The following PLAGL1 variants were observed in gnomAD, a reference collection of about 807,000 sequenced individuals.
The protein encoded by PLAGL1 is zinc finger protein PLAGL1.
Under a neutral mutation model 4.6 loss-of-function variants are expected in PLAGL1, and 1 was observed. The ratio of observed to expected loss-of-function variants is 0.22; its 90% confidence interval spans 0.08 to 1.03. PLAGL1 has a LOEUF of 1.03. Ranked by LOEUF, PLAGL1 falls within the 50% of genes least tolerant of loss-of-function variation. The pLI is 0.58. For missense variants in PLAGL1, 464 were observed against 570.4 expected (o/e 0.81, Z 1.90); for synonymous variants, 240 against 237.8 (o/e 1.01, Z -0.08).
In PLAGL1 at chr6:143,994,039, G is replaced by GA. The variant is rs530541145; in HGVS notation, c.-583-8866dup. 0.063 allele frequency among the ~76,000 whole-genome samples: 8,154 copies of GA among 129,584 alleles called. 285 individuals are homozygous for GA. The highest frequency in any genetic ancestry group is 0.1 in the Non-Finnish European group (6,011 of 60,394). 85.0% of individuals were successfully genotyped at this position (129,584 alleles called of 152,430 possible). ...AATGTTCACTTCATATATGGCTAAGGAAAAAAAAAAAAAGAAAAGAACTCC... is the reference window on the plus strand; with the variant it reads ...AATGTTCACTTCATATATGGCTAAGGAAAAAAAAAAAAAAGAAAAGAACTCC... On this transcript the variant is annotated intron_variant, in intron 1 of 7. Coordinates refer to ENST00000674357, the MANE Select transcript of PLAGL1 (RefSeq NM_001317162.2). This position sits in a 1 kb window ranked among gnomAD's most constrained non-coding sequence, Gnocchi z 4.3.
intron 1 of PLAGL1, among the ~76,000 whole-genome samples, chr6:143,992,491 T>C (rs1352822964): frequency 6.6e-6 from 1 of 152,214 alleles, no homozygotes; most frequent in Admixed American, 6.5e-5. Flanking sequence ...GTACCAGAAG[T>C]AGGATGTTTT....
Position 143,970,440 on chromosome 6 carries a change from A to T in PLAGL1, c.-543-1462T>A, listed in dbSNP as rs1445993466. On this transcript the variant is annotated intron_variant, in intron 2 of 7. Coordinates refer to ENST00000674357, the MANE Select transcript of PLAGL1 (RefSeq NM_001317162.2). The surrounding 1 kb of genome is among the most constrained non-coding windows in gnomAD (Gnocchi z 5.8). ...TATCTAATTATTACAGATGATCTTT[A>T]TAATAGTCATATCTGATCTTATACA... Among the ~76,000 whole-genome samples the T allele has an allele frequency of 6.6e-6, 1 of 152,244 alleles. No individual in the cohort carries two copies. The highest frequency in any genetic ancestry group is 1.5e-5 in the Non-Finnish European group (1 of 68,036).
rs958109790 is a variant in PLAGL1 at position 144,004,365 on chromosome 6, A to G, written c.-584+3725T>C. Among the ~76,000 whole-genome samples, 16 of 152,334 alleles carry G rather than the reference A, an allele frequency of 1.1e-4. No individual in the cohort carries two copies. Among genetic ancestry groups the G allele is most frequent in the Non-Finnish European group, 1.8e-4 (12 of 68,034 alleles). On this transcript the variant is annotated intron_variant, in intron 1 of 7. Transcript: ENST00000674357. This position sits in a 1 kb window ranked among gnomAD's most constrained non-coding sequence, Gnocchi z 4.2. ...CACAGCCCAATAAAATTTTATAAAC[A>G]GAAACATGCAGTGGGTTGGAATTGG... is the stretch of plus-strand genomic sequence containing the variant.
At position 143,975,971 on chromosome 6, in the gene PLAGL1, T is replaced by C. The variant is rs1337407831; in HGVS notation, c.-543-6993A>G. On this transcript the variant is annotated intron_variant, in intron 2 of 7. Coordinates refer to ENST00000674357, the MANE Select transcript of PLAGL1 (RefSeq NM_001317162.2). The surrounding 1 kb of genome is among the most constrained non-coding windows in gnomAD (Gnocchi z 5.8). ...CATGTTTTCAAAGAACTAACACATATCTTACTTCGTTGACCCTCACATTAC... is the reference window on the plus strand; with the variant it reads ...CATGTTTTCAAAGAACTAACACATACCTTACTTCGTTGACCCTCACATTAC... 6.6e-6 allele frequency among the ~76,000 whole-genome samples: 1 copy of C among 152,212 alleles called. No homozygotes were observed. Among genetic ancestry groups the C allele is most frequent in the Non-Finnish European group, 1.5e-5 (1 of 68,036 alleles).
chr6:144,003,396 G>A (rs926418410), intron 1 of PLAGL1, among the ~76,000 whole-genome samples: 15 of 152,114 alleles, frequency 9.9e-5, no homozygotes, highest in Non-Finnish European at 1.8e-4. Context: ...AGGCCAAGGC[G>A]GGTGGATCAC....
At chr6:144,011,870 A>G (rs1313627967), upstream of PLAGL1, among the ~76,000 whole-genome samples, 4 of 152,192 alleles carry the variant, frequency 2.6e-5, no homozygotes, top group African/African-American at 9.7e-5. The surrounding 1 kb of genome is among the most constrained non-coding windows in gnomAD (Gnocchi z 4.3). Context: ...TCAGCACAGT[A>G]TCCCAGAAAG....
At position 144,008,192 on chromosome 6, in the gene PLAGL1, C is replaced by G. The variant is rs1032513656; in HGVS notation, c.-686G>C. 6.6e-6 allele frequency: 1 copy of G among 152,016 alleles called. No homozygotes were observed. Among genetic ancestry groups the G allele is most frequent in the African/African-American group, 2.4e-5 (1 of 41,398 alleles). 9.4% of individuals were successfully genotyped at this position (152,016 alleles called of 1,614,324 possible). ...GGAAGCGCCCCGCGCGCCAAGGCCC[C>G]GCGCTGCTGAGCTGTGAGCACGGCT... On this transcript the variant is annotated 5_prime_UTR_variant, in exon 1 of 8. Transcript: ENST00000674357. This position sits in a 1 kb window ranked among gnomAD's most constrained non-coding sequence, Gnocchi z 6.9.
rs375327815 is a variant in PLAGL1 at position 144,037,934 on chromosome 6, G to A, written c.-151+26534C>T. 9.4e-5 allele frequency among the ~76,000 whole-genome samples: 14 copies of A among 149,632 alleles called. No individual in the cohort carries two copies. The East Asian group carries it at 1.5e-3, about 16-fold the overall frequency. On this transcript the variant is annotated intron_variant, in intron 1 of 3. Coordinates refer to the PLAGL1 transcript ENST00000437412. ...CCCTTAGAATGTAAGAAAAGTTAGC[G>A]CTTGTCGCCAATAAATGGTAATACT... is the stretch of plus-strand genomic sequence containing the variant.
rs1785563046 is a variant in PLAGL1, at chr6:143,972,300, G to T, written c.-543-3322C>A. 6.6e-6 allele frequency among the ~76,000 whole-genome samples: 1 copy of T among 152,172 alleles called. No homozygotes were observed. Among genetic ancestry groups the T allele is most frequent in the African/African-American group, 2.4e-5 (1 of 41,430 alleles). On this transcript the variant is annotated intron_variant, in intron 2 of 7. Transcript: ENST00000674357. This position sits in a 1 kb window ranked among gnomAD's most constrained non-coding sequence, Gnocchi z 6.8. ...ATACACCTAAATAAAGAGCTACAGG[G>T]CCATGTGTTAAGTGCCATAATAGAG...
rs1793908525 is a variant in PLAGL1 at position 144,005,228 on chromosome 6, T to G, written c.-584+2862A>C. On this transcript the variant is annotated intron_variant, in intron 1 of 7. Transcript: ENST00000674357. The surrounding 1 kb of genome is among the most constrained non-coding windows in gnomAD (Gnocchi z 4.6). ...GGATAACTCACAAAACCTTCCACAT[T>G]GGAACTAGACTACTTTCTACAAATC... 1 of 152,064 alleles carries G rather than the reference T, an allele frequency of 6.6e-6. No homozygotes were observed. Among genetic ancestry groups the G allele is most frequent in the Non-Finnish European group, 1.5e-5 (1 of 67,996 alleles). 9.4% of individuals were successfully genotyped at this position (152,064 alleles called of 1,614,324 possible). A position where few individuals can be genotyped will look rare whatever the true frequency, so the allele number is the denominator to read the frequency against.
Position 144,063,074 on chromosome 6 carries a change from A to G in PLAGL1, c.-151+1394T>C, listed in dbSNP as rs1583940818. Among the ~76,000 whole-genome samples, 1 of 152,190 alleles carries G rather than the reference A, an allele frequency of 6.6e-6. No homozygotes were observed. Among genetic ancestry groups the G allele is most frequent in the African/African-American group, 2.4e-5 (1 of 41,446 alleles). The stretch of plus-strand genomic sequence containing the variant: ...CACCAACGTTGTCACAGAGTTGATC[A>G]CCTGAAAACCAGCCCTCCTTTCCTT... On this transcript the variant is annotated intron_variant, in intron 1 of 3. Transcript: ENST00000437412. This position sits in a 1 kb window ranked among gnomAD's most constrained non-coding sequence, Gnocchi z 5.7.
rs1033214794 is a variant in PLAGL1 at position 144,027,199 on chromosome 6, G to C, written c.-151+37269C>G. ...TGATCATGCCACTGCACTCCAGCTT[G>C]GGTGACAGAGAAAGACCCCAACTCA... On this transcript the variant is annotated intron_variant, in intron 1 of 3. Coordinates refer to the PLAGL1 transcript ENST00000437412. The surrounding 1 kb of genome is among the most constrained non-coding windows in gnomAD (Gnocchi z 5.8). 6.8e-6 allele frequency among the ~76,000 whole-genome samples: 1 copy of C among 147,452 alleles called. No individual in the cohort carries two copies. Among genetic ancestry groups the C allele is most frequent in the Non-Finnish European group, 1.5e-5 (1 of 67,482 alleles).
At chr6:143,944,889 T>C (rs1779426699) in intron 7 of PLAGL1, among the ~76,000 whole-genome samples, 1 of 152,078 alleles carries the variant, frequency 6.6e-6, no homozygotes, top group Non-Finnish European at 1.5e-5. Context: ...TTCATCTGAT[T>C]TGATTTCATT....
intron 1 of PLAGL1, 128 bp downstream of exon 1, chr6:144,007,962 G>T (rs1004076943): frequency 4.6e-5 from 7 of 151,908 alleles, no homozygotes; most frequent in African/African-American, 1.7e-4. Context: ...GGACCCGCAC[G>T]TAGGCGGCGC....
intron 1 of PLAGL1, among the ~76,000 whole-genome samples, chr6:144,060,400 T>C (rs1431990091): frequency 6.6e-6 from 1 of 152,166 alleles, no homozygotes; most frequent in Non-Finnish European, 1.5e-5. Context: ...GTTTCCTCAT[T>C]GCTCCCCAGG....
chr6:143,996,764 A>C (rs555110148), intron 1 of PLAGL1, among the ~76,000 whole-genome samples: 1 of 152,284 alleles, frequency 6.6e-6, no homozygotes, highest in East Asian at 1.9e-4. Context: ...ATTTTCAACA[A>C]GGGCACCATG....
chr6:143,991,488 C>G (rs150341605), intron 1 of PLAGL1, among the ~76,000 whole-genome samples: 89 of 152,274 alleles, frequency 5.8e-4, no homozygotes, highest in African/African-American at 2.0e-3. Context: ...GCATGAGGTG[C>G]GGAACAGAGT....
Position 143,941,837 on chromosome 6 carries a change from T to G in PLAGL1, c.979A>C (p.Asn327His). The change falls in exon 8 of 8, where the codon AAT becomes CAT. Residue 327 changes from asparagine (N) to histidine (H), a missense_variant. Physicochemically the swap from Asn to His is moderately conservative, Grantham distance 68. This residue lies in a region of PLAGL1 where 248 missense variants were observed against 250.1 expected (regional missense o/e 0.99). Transcript: ENST00000674357. This position sits in a 1 kb window ranked among gnomAD's most constrained non-coding sequence, Gnocchi z 6.0. ...PLKADTKGFC[N>H]ISLFEDLPLQ... is the part of the protein sequence containing the mutation. ...GGCAAGTCCTCAAACAAACTGATAT[T>G]GCAAAAACCTTTAGTATCTGCTTTG... The G allele has an allele frequency of 6.2e-7, 1 of 1,614,198 alleles. No homozygotes were observed. The highest frequency in any genetic ancestry group is 8.5e-7 in the Non-Finnish European group (1 of 1,180,038).
rs1785228454 is a variant in PLAGL1 at position 143,970,548 on chromosome 6, CT to C, written c.-543-1571del. On this transcript the variant is annotated intron_variant, in intron 2 of 7. Transcript: ENST00000674357. The surrounding 1 kb of genome is among the most constrained non-coding windows in gnomAD (Gnocchi z 5.8). ...TAAATCTAGTGGGTAAGGAGGATGT[CT>C]TGTTTTCAACGGCTAGATAAACGTT... 6.6e-6 allele frequency among the ~76,000 whole-genome samples: 1 copy of C among 151,974 alleles called. No homozygotes were observed. Among genetic ancestry groups the C allele is most frequent in the Non-Finnish European group, 1.5e-5 (1 of 67,990 alleles).
Sources: gnomAD v4.1 joint callset for allele counts (sites outside exome capture counted in the v4.1 genomes callset) on GRCh38, gnomAD v4.1.1 for gene constraint, gnomAD v4.1.1 regional missense constraint, Gnocchi (gnomAD v3.1) non-coding constraint, MANE v1.5 for transcripts, NCBI Gene and HGNC (gene_info 2026-07-23, HGNC 2026-07-21) for gene names.